The following PAPPA variants were observed in gnomAD, a reference collection of about 807,000 sequenced individuals.
The protein encoded by PAPPA is pappalysin-1.
In PAPPA, 60 loss-of-function variants were observed where a neutral mutation model predicts 164.0. That is an observed-to-expected ratio of 0.37 (90% CI 0.30 to 0.45). PAPPA has a LOEUF of 0.45. PAPPA is among the 20% of genes least tolerant of loss of function. The pLI is 1.00. For synonymous variants in PAPPA, 875 were observed against 814.1 expected, an observed-to-expected ratio of 1.07 and a Z score of -1.27; for missense variants, 1,782 against 2,087.3, an observed-to-expected ratio of 0.85 and a Z score of 2.85.
chr9:116,184,499 A>C (rs920110744), intron 1 of PAPPA, among the ~76,000 whole-genome samples: 1 of 151,790 alleles, frequency 6.6e-6, no homozygotes, highest in African/African-American at 2.4e-5. Context: ...CATCCTCTAC[A>C]TCACCCCTGA....
At chr9:116,287,133 TG>T (rs1845349464) in intron 9 of PAPPA, 1 of 152,222 alleles carries the variant, frequency 6.6e-6, no homozygotes, top group Non-Finnish European at 1.5e-5. Context: ...TCAATTTCAT[TG>T]TCTGTAAAAT....
At chr9:116,283,781 G>A (rs115530923) in intron 9 of PAPPA, among the ~76,000 whole-genome samples, 308 of 152,286 alleles carry the variant, frequency 2.0e-3, no homozygotes, top group African/African-American at 7.1e-3. Context: ...TATAGCTTGA[G>A]TTCAGCCTCA....
At chr9:116,281,062 GA>G (rs558220291) in intron 9 of PAPPA, among the ~76,000 whole-genome samples, 49 of 152,224 alleles carry the variant, frequency 3.2e-4, no homozygotes, top group African/African-American at 1.1e-3. Context: ...AGCACAAATA[GA>G]AAAAACAATA....
chr9:116,204,264 A>G (rs1048179179), intron 2 of PAPPA, among the ~76,000 whole-genome samples: 3 of 152,224 alleles, frequency 2.0e-5, no homozygotes. Context: ...AGATTAAGCT[A>G]CAGATTAATA....
At chr9:116,220,452 G>A (rs191054100) in intron 5 of PAPPA, among the ~76,000 whole-genome samples, 1 of 150,118 alleles carries the variant, frequency 6.7e-6, no homozygotes, top group South Asian at 2.1e-4. Flanking sequence ...CTCAGGAGTT[G>A]TGATTGCCTG....
At chr9:116,163,680 G>T (rs1843693001) in intron 1 of PAPPA, among the ~76,000 whole-genome samples, 1 of 152,152 alleles carries the variant, frequency 6.6e-6, no homozygotes, top group South Asian at 2.1e-4. Flanking sequence ...CCTCCACTAG[G>T]TGGTGCCTGT....
chr9:116,323,347 G>A (rs927695781), intron 10 of PAPPA, among the ~76,000 whole-genome samples: 2 of 152,024 alleles, frequency 1.3e-5, no homozygotes, highest in African/African-American at 4.8e-5. Context: ...AGACATCCTG[G>A]CCCGTCACAG....
chr9:116,259,617 T>C (rs904970428), intron 7 of PAPPA, among the ~76,000 whole-genome samples: 3 of 152,124 alleles, frequency 2.0e-5, no homozygotes, highest in Admixed American at 1.3e-4. Flanking sequence ...AACCATCAGA[T>C]TGACCAAAAA....
chr9:116,267,036 C>G (rs910343555), intron 8 of PAPPA, among the ~76,000 whole-genome samples: 2 of 152,108 alleles, frequency 1.3e-5, no homozygotes, highest in Admixed American at 1.3e-4. Flanking sequence ...TATGGAATTG[C>G]AATTACTATT....
intron 13 of PAPPA, among the ~76,000 whole-genome samples, chr9:116,341,715 G>C (rs1295547619): frequency 6.6e-5 from 10 of 152,168 alleles, no homozygotes; most frequent in Non-Finnish European, 1.5e-5. Context: ...CCAATGTATA[G>C]AACAATGTCT....
At chr9:116,159,821 C>A (rs1251084750) in intron 1 of PAPPA, among the ~76,000 whole-genome samples, 2 of 152,146 alleles carry the variant, frequency 1.3e-5, no homozygotes, top group African/African-American at 2.4e-5. Flanking sequence ...GTATGGCCAG[C>A]CTGGACATGA....
chr9:116,396,136 C>CTT (rs537594710), intron 21 of PAPPA, among the ~76,000 whole-genome samples: 461 of 152,296 alleles, frequency 3.0e-3, no homozygotes, highest in African/African-American at 9.9e-3. Context: ...AGACTTGACA[C>CTT]TTATTATTAC....
intron 10 of PAPPA, among the ~76,000 whole-genome samples, chr9:116,326,772 A>AT (rs1845925829): frequency 6.6e-6 from 1 of 152,084 alleles, no homozygotes; most frequent in Non-Finnish European, 1.5e-5. Flanking sequence ...ACCACCATTC[A>AT]TTTTGTCTTT....
intron 15 of PAPPA, among the ~76,000 whole-genome samples, chr9:116,349,051 AT>A (rs1291365215): frequency 6.6e-6 from 1 of 151,858 alleles, no homozygotes; most frequent in Non-Finnish European, 1.5e-5. Context: ...CCTCTCCTCT[AT>A]TTGTACCTCT....
rs1295807635 is a variant in PAPPA at position 116,169,333 on chromosome 9, T to A, written c.415+14746T>A. ...TTCTTTTTTTTTTTTTTTTTTTTTT[T>A]TTTTGAGATGGAGTCTCACTCTGTC... On this transcript the variant is annotated intron_variant, in intron 1 of 21. Transcript: ENST00000328252. Among the ~76,000 whole-genome samples, 4 of 135,382 alleles carry A rather than the reference T, an allele frequency of 3.0e-5. No individual in the cohort carries two copies. The Admixed American group carries it at 3.0e-4, about 10-fold the overall frequency. 88.8% of individuals were successfully genotyped at this position (135,382 alleles called of 152,430 possible).
chr9:116,160,891 G>A (rs1458646190), intron 1 of PAPPA, among the ~76,000 whole-genome samples: 1 of 152,190 alleles, frequency 6.6e-6, no homozygotes, highest in Non-Finnish European at 1.5e-5. Flanking sequence ...GGAGGTCAGC[G>A]TTCAGGTCCT....
chr9:116,266,959 A>G (rs973414268), intron 8 of PAPPA, among the ~76,000 whole-genome samples: 5 of 152,246 alleles, frequency 3.3e-5, no homozygotes, highest in African/African-American at 1.2e-4. Context: ...TGGAGAAGGC[A>G]AAACAAGCTA....
At chr9:116,216,071 C>T (rs1844367524) in intron 4 of PAPPA, among the ~76,000 whole-genome samples, 1 of 152,074 alleles carries the variant, frequency 6.6e-6, no homozygotes, top group Non-Finnish European at 1.5e-5. Context: ...AGATACTCTA[C>T]AGTGAAGTTT....
chr9:116,363,383 G>A (rs1019718228), intron 18 of PAPPA, among the ~76,000 whole-genome samples: 1 of 152,154 alleles, frequency 6.6e-6, no homozygotes, highest in African/African-American at 2.4e-5. Flanking sequence ...CATCCAAGAT[G>A]AGCATAAACT....
Sources: gnomAD v4.1 joint callset for allele counts (sites outside exome capture counted in the v4.1 genomes callset) on GRCh38, gnomAD v4.1.1 for gene constraint, MANE v1.5 for transcripts, NCBI Gene and HGNC (gene_info 2026-07-23, HGNC 2026-07-21) for gene names.